The following PLXNA2 variants were observed in gnomAD, a reference collection of about 807,000 sequenced individuals.
The protein encoded by PLXNA2 is plexin A2, also known as plexin-A2.
In PLXNA2, 91 loss-of-function variants were observed where a neutral mutation model predicts 193.5. That is an observed-to-expected ratio of 0.47 (90% CI 0.40 to 0.56). PLXNA2 has a LOEUF of 0.56. Among genes scored for constraint, PLXNA2 ranks in the 20% least tolerant of loss-of-function variants. The pLI is 0.00. For synonymous variants in PLXNA2, 997 were observed against 1,027.3 expected (o/e 0.97, Z 0.56); for missense variants, 1,995 against 2,503.2 (o/e 0.80, Z 4.33).
intron 14 of PLXNA2, among the ~76,000 whole-genome samples, chr1:208,053,613 G>A (rs1187594106): frequency 6.6e-5 from 10 of 152,186 alleles, no homozygotes; most frequent in Non-Finnish European, 1.5e-4. Flanking sequence ...TCTCAGCAAG[G>A]CTGGTTTGAC....
chr1:208,079,208 T>C, intron 12 of PLXNA2, 52 bp downstream of exon 12: 1 of 1,487,846 alleles, frequency 6.7e-7, no homozygotes, highest in Non-Finnish European at 9.3e-7. Flanking sequence ...CCCACTGTCT[T>C]GGGGTCAGCT....
At chr1:208,113,447 G>A (rs1197845267) in intron 4 of PLXNA2, among the ~76,000 whole-genome samples, 2 of 151,948 alleles carry the variant, frequency 1.3e-5, no homozygotes, top group Non-Finnish European at 2.9e-5. Flanking sequence ...CCATCTCAGG[G>A]CCCTGCCCTT....
chr1:208,156,302 C>T (rs868855804), intron 3 of PLXNA2, among the ~76,000 whole-genome samples: 21 of 152,142 alleles, frequency 1.4e-4, no homozygotes, highest in Admixed American at 4.6e-4. Flanking sequence ...TGGAGTGGAT[C>T]GGAAGACTCT....
chr1:208,038,744 C>T lies in PLXNA2; in HGVS notation c.4660+81G>A. On this transcript the variant is annotated intron_variant, in intron 25 of 31. Transcript: ENST00000367033. The surrounding 1 kb of genome is among the most constrained non-coding windows in gnomAD (Gnocchi z 4.1). ...AGCTGGCCAGGACACAGTCATGCCCCTGCAAGGGTTGTGTGCATGGCAGCT... is the reference window on the plus strand; with the variant it reads ...AGCTGGCCAGGACACAGTCATGCCCTTGCAAGGGTTGTGTGCATGGCAGCT... 2.1e-6 allele frequency: 3 copies of T among 1,434,412 alleles called. No homozygotes were observed. The highest frequency in any genetic ancestry group is 1.9e-6 in the Non-Finnish European group (2 of 1,031,950). 88.9% of individuals were successfully genotyped at this position (1,434,412 alleles called of 1,614,324 possible).
At chr1:208,131,399 T>C (rs552358148) in intron 4 of PLXNA2, among the ~76,000 whole-genome samples, 3 of 152,350 alleles carry the variant, frequency 2.0e-5, no homozygotes, top group African/African-American at 2.4e-5. Context: ...CGGCATCTGA[T>C]TGAAGCCTAA....
chr1:208,224,666 G>C (rs1671458491), intron 1 of PLXNA2, among the ~76,000 whole-genome samples: 1 of 152,102 alleles, frequency 6.6e-6, no homozygotes. Context: ...GCGGTTATGT[G>C]AAGCGAAGTG....
intron 12 of PLXNA2, among the ~76,000 whole-genome samples, chr1:208,067,864 T>C (rs61516311): frequency 0.1 from 15,614 of 152,230 alleles, 1,161 homozygotes; most frequent in East Asian, 0.34. Flanking sequence ...CCCACAGCTA[T>C]AGCTTTATAG....
intron 20 of PLXNA2, among the ~76,000 whole-genome samples, chr1:208,043,933 C>T (rs1463860101): frequency 2.0e-5 from 3 of 152,250 alleles, no homozygotes; most frequent in Non-Finnish European, 4.4e-5. Flanking sequence ...CAGGTACACT[C>T]GTCACCTCGA....
intron 12 of PLXNA2, among the ~76,000 whole-genome samples, chr1:208,068,842 T>C (rs1215471724): frequency 6.6e-6 from 1 of 152,250 alleles, no homozygotes; most frequent in Non-Finnish European, 1.5e-5. Context: ...TTTCTGTATT[T>C]GTATACAGCA....
At chr1:208,240,056 T>C (rs916878724) in intron 1 of PLXNA2, among the ~76,000 whole-genome samples, 4 of 152,224 alleles carry the variant, frequency 2.6e-5, no homozygotes, top group Non-Finnish European at 5.9e-5. Flanking sequence ...GTTAACCAAC[T>C]GTAGAAGCAG....
chr1:208,127,988 G>A, intron 4 of PLXNA2, among the ~76,000 whole-genome samples: 1 of 152,164 alleles, frequency 6.6e-6, no homozygotes, highest in East Asian at 1.9e-4. Context: ...TGCCCATCTT[G>A]CAGCATGATT....
chr1:208,159,109 A>G lies in PLXNA2; in HGVS notation c.1372-16646T>C, dbSNP rs562607151. ...TGACAACAAAACCACCATGACTCCA[A>G]TCAACCTAGGGAGTGGGAGAAATGC... is the stretch of plus-strand genomic sequence containing the variant. On this transcript the variant is annotated intron_variant, in intron 3 of 31. Transcript: ENST00000367033. Among the ~76,000 whole-genome samples, 583 of 152,280 alleles carry G rather than the reference A, an allele frequency of 3.8e-3. 8 individuals are homozygous for G. Among genetic ancestry groups the G allele is most frequent in the South Asian group, 0.032 (155 of 4,828 alleles).
At chr1:208,197,779 G>A (rs867987672) in intron 3 of PLXNA2, among the ~76,000 whole-genome samples, 3 of 152,124 alleles carry the variant, frequency 2.0e-5, no homozygotes, top group South Asian at 2.1e-4. Flanking sequence ...GACCATGAGC[G>A]ACCAACATTG....
At chr1:208,051,482 C>T in intron 15 of PLXNA2, 59 bp from the exon 16 acceptor site, 1 of 1,443,646 alleles carries the variant, frequency 6.9e-7, no homozygotes, top group Non-Finnish European at 9.5e-7. Flanking sequence ...GAGGTGCCCA[C>T]TGGCTTGACA....
At chr1:208,133,438 A>T (rs1472615623) in intron 4 of PLXNA2, among the ~76,000 whole-genome samples, 1 of 152,250 alleles carries the variant, frequency 6.6e-6, no homozygotes, top group African/African-American at 2.4e-5. Flanking sequence ...GAAATCAAGA[A>T]GGTACTTATC....
intron 17 of PLXNA2, among the ~76,000 whole-genome samples, chr1:208,050,446 C>A (rs1665220298): frequency 6.6e-6 from 1 of 152,226 alleles, no homozygotes; most frequent in Admixed American, 6.5e-5. Context: ...AACAGGAGTC[C>A]TTTTGTGCTG....
intron 9 of PLXNA2, among the ~76,000 whole-genome samples, chr1:208,089,429 A>C (rs1404930431): frequency 1.3e-5 from 2 of 152,164 alleles, no homozygotes; most frequent in African/African-American, 2.4e-5. Flanking sequence ...TTGGGCAAAA[A>C]CCCGAAATTT....
At chr1:208,032,288 A>T (rs1206258340) in intron 28 of PLXNA2, 1 of 241,824 alleles carries the variant, frequency 4.1e-6, no homozygotes, top group Non-Finnish European at 6.7e-6. Context: ...CCACAGGCAG[A>T]GTGCTGATCC....
At chr1:208,084,905 G>A (rs1266666840) in intron 9 of PLXNA2, among the ~76,000 whole-genome samples, 2 of 152,058 alleles carry the variant, frequency 1.3e-5, no homozygotes, top group Non-Finnish European at 2.9e-5. Context: ...CCCCAACCTG[G>A]CACCCCTACC....
Sources: allele counts gnomAD v4.1 joint callset (sites outside exome capture counted in the v4.1 genomes callset), GRCh38; gene constraint gnomAD v4.1.1; non-coding constraint Gnocchi (gnomAD v3.1); transcripts MANE v1.5; gene names NCBI Gene and HGNC (gene_info 2026-07-23, HGNC 2026-07-21).